MAMLD1: variants seen among roughly 807,000 people sequenced by gnomAD.
The protein encoded by MAMLD1 is mastermind-like domain-containing protein 1.
A neutral mutation model predicts 45.0 loss-of-function variants in MAMLD1; 14 were observed. The observed-to-expected ratio is 0.31, with a 90% CI of 0.21 to 0.49. The LOEUF (loss-of-function observed/expected upper bound fraction) is 0.49, where lower values mean the gene tolerates loss of function less well. MAMLD1 is among the 20% of genes least tolerant of loss of function. The pLI is 0.99. For synonymous variants in MAMLD1, 254 were observed against 247.8 expected, an observed-to-expected ratio of 1.02 and a Z score of -0.24; for missense variants, 543 against 603.6, an observed-to-expected ratio of 0.90 and a Z score of 1.05.
chrX:150,395,807 G>A (rs1557402264), intron 1 of MAMLD1, among the ~76,000 whole-genome samples: 1 of 110,019 alleles, frequency 9.1e-6, no homozygotes, highest in Non-Finnish European at 1.9e-5. Context: ...ATATTAATAG[G>A]TCATGTTCTC....
intron 1 of MAMLD1, among the ~76,000 whole-genome samples, chrX:150,393,491 G>C (rs7050659): frequency 0.021 from 2,304 of 112,085 alleles, 67 homozygotes; most frequent in African/African-American, 0.071. Flanking sequence ...CATATGGTAA[G>C]AGTATGTTTC....
chrX:150,478,862 G>A (rs1406765211), intron 5 of MAMLD1, among the ~76,000 whole-genome samples: 2 of 112,290 alleles, frequency 1.8e-5, no homozygotes, highest in East Asian at 2.8e-4. Flanking sequence ...GTTTGGTTTC[G>A]GGAAACTTTT....
chrX:150,481,924 G>GTA (rs1557407215), intron 5 of MAMLD1, among the ~76,000 whole-genome samples: 7 of 88,614 alleles, frequency 7.9e-5, no homozygotes, highest in Non-Finnish European at 1.6e-4. Context: ...GACAGAGACA[G>GTA]AGAAAGTAAG....
At chrX:150,435,615 T>C (rs1198328042) in intron 1 of MAMLD1, among the ~76,000 whole-genome samples, 1 of 112,954 alleles carries the variant, frequency 8.9e-6, no homozygotes, top group Non-Finnish European at 1.9e-5. Context: ...TGTCGTTGCA[T>C]GTGATATGGG....
At chrX:150,425,367 T>G (rs782185666) in intron 1 of MAMLD1, among the ~76,000 whole-genome samples, 1 of 112,559 alleles carries the variant, frequency 8.9e-6, no homozygotes, top group Non-Finnish European at 1.9e-5. Flanking sequence ...TTTCTCCACA[T>G]CACTTTGAGC....
rs2037453758 is a variant in MAMLD1, at chrX:150,498,464, G to A, written c.2041-4810G>A. ...TGGAAGTGGCAAACCCATAATTCAA[G>A]TCTAGACTCTCTTTTTCCAGAGCCT... is the stretch of plus-strand genomic sequence containing the variant. On this transcript the variant is annotated intron_variant, in intron 5 of 7. Transcript: ENST00000370401. 3.6e-5 allele frequency among the ~76,000 whole-genome samples: 4 copies of A among 112,287 alleles called. No individual in the cohort carries two copies. In the Admixed American group the frequency reaches 3.8e-4, roughly 11 times the overall value.
intron 5 of MAMLD1, among the ~76,000 whole-genome samples, chrX:150,480,686 G>A (rs781851940): frequency 7.1e-5 from 8 of 112,297 alleles, no homozygotes; most frequent in East Asian, 5.5e-4. Context: ...TCTTGGTAAC[G>A]TGCAGCTAGG....
chrX:150,372,046 G>A (rs2179577), intron 1 of MAMLD1, among the ~76,000 whole-genome samples: 39,310 of 110,565 alleles, frequency 0.36, 5,514 homozygotes, highest in African/African-American at 0.49. Context: ...CCCATGTGTG[G>A]GCAGACAGGC....
intron 1 of MAMLD1, among the ~76,000 whole-genome samples, chrX:150,403,360 T>C (rs2033869088): frequency 9.0e-6 from 1 of 111,626 alleles, no homozygotes; most frequent in African/African-American, 3.3e-5. Context: ...TGGGGTGACA[T>C]AAATGTTTTG....
intron 1 of MAMLD1, among the ~76,000 whole-genome samples, chrX:150,411,105 A>G (rs1468272753): frequency 9.0e-6 from 1 of 111,674 alleles, no homozygotes; most frequent in Non-Finnish European, 1.9e-5. Flanking sequence ...CTTAGAGTCT[A>G]AAGCCTCTCC....
At chrX:150,386,827 T>A (rs1424490178) in intron 1 of MAMLD1, among the ~76,000 whole-genome samples, 2 of 110,963 alleles carry the variant, frequency 1.8e-5, no homozygotes, top group African/African-American at 6.5e-5. Flanking sequence ...TTTTCCAGTA[T>A]AAGGCACTTT....
chrX:150,366,499 T>C (rs1328049233), intron 1 of MAMLD1, among the ~76,000 whole-genome samples: 2 of 112,383 alleles, frequency 1.8e-5, no homozygotes, highest in Admixed American at 9.4e-5. Context: ...GCTGCTGATG[T>C]GCGAGATGGA....
chrX:150,458,613 G>A (rs1286830080), intron 2 of MAMLD1, among the ~76,000 whole-genome samples: 1 of 111,549 alleles, frequency 9.0e-6, no homozygotes, highest in Non-Finnish European at 1.9e-5. Context: ...ACCAGCAGCT[G>A]TTTTTTTTCT....
At chrX:150,455,396 T>C (rs2035821740) in intron 2 of MAMLD1, among the ~76,000 whole-genome samples, 1 of 112,238 alleles carries the variant, frequency 8.9e-6, no homozygotes, top group African/African-American at 3.2e-5. Context: ...TAAAGGCAGA[T>C]CTGCCTTGAA....
intron 1 of MAMLD1, among the ~76,000 whole-genome samples, chrX:150,365,434 C>T (rs1217279049): frequency 3.5e-5 from 4 of 112,981 alleles, no homozygotes; most frequent in Non-Finnish European, 7.5e-5. Context: ...AGCTGGCGGG[C>T]GCGCGCAGAG....
At chrX:150,467,460 C>T (rs2036258835) in intron 3 of MAMLD1, among the ~76,000 whole-genome samples, 1 of 112,190 alleles carries the variant, frequency 8.9e-6, no homozygotes, top group African/African-American at 3.2e-5. Context: ...GCACTGATGA[C>T]TGCATGGGCC....
intron 1 of MAMLD1, among the ~76,000 whole-genome samples, chrX:150,403,272 A>G (rs1325187919): frequency 9.0e-6 from 1 of 111,130 alleles, no homozygotes; most frequent in Non-Finnish European, 1.9e-5. Flanking sequence ...AGAACAAAAA[A>G]CAAGTTAGTA....
chrX:150,376,696 G>T (rs1350223162), intron 1 of MAMLD1, among the ~76,000 whole-genome samples: 1 of 111,134 alleles, frequency 9.0e-6, no homozygotes, highest in Non-Finnish European at 1.9e-5. Context: ...AACATCCAAG[G>T]GTTCTCTGTT....
At chrX:150,402,883 G>A (rs1323182038) in intron 1 of MAMLD1, among the ~76,000 whole-genome samples, 1 of 110,287 alleles carries the variant, frequency 9.1e-6, no homozygotes, top group Non-Finnish European at 1.9e-5. Flanking sequence ...GAGAACACAT[G>A]GACACAGGAA....
Sources: allele counts gnomAD v4.1 joint callset (sites outside exome capture counted in the v4.1 genomes callset), GRCh38; gene constraint gnomAD v4.1.1; transcripts MANE v1.5; gene names NCBI Gene and HGNC (gene_info 2026-07-23, HGNC 2026-07-21).